The following PMF1 variants were observed in gnomAD, a reference collection of about 807,000 sequenced individuals.
The protein encoded by PMF1 is polyamine modulated factor 1.
In PMF1, 21 loss-of-function variants were observed where a neutral mutation model predicts 26.7. That is an observed-to-expected ratio of 0.79 (90% CI 0.56 to 1.13). PMF1 has a LOEUF of 1.13. Among genes scored for constraint, PMF1 ranks in the 50% most tolerant of loss-of-function variants. PMF1 has a pLI of 0.00. For missense variants in PMF1, 266 were observed against 254.9 expected, an observed-to-expected ratio of 1.04 and a Z score of -0.30; for synonymous variants, 105 against 101.0, an observed-to-expected ratio of 1.04 and a Z score of -0.24.
At chr1:156,225,480 C>G in intron 1 of PMF1, 1 of 794,020 alleles carries the variant, frequency 1.3e-6, no homozygotes, top group Non-Finnish European at 2.1e-6. Flanking sequence ...TTGGCAAAGT[C>G]CATTGTACCA....
At chr1:156,229,076 T>C (rs1658549598) in intron 1 of PMF1, among the ~76,000 whole-genome samples, 1 of 151,914 alleles carries the variant, frequency 6.6e-6, no homozygotes, top group Non-Finnish European at 1.5e-5. Context: ...GCCCAGCTAA[T>C]TTTTTGTATT....
intron 1 of PMF1, among the ~76,000 whole-genome samples, chr1:156,229,865 G>A (rs1234204318): frequency 2.6e-5 from 4 of 152,144 alleles, no homozygotes; most frequent in Non-Finnish European, 5.9e-5. Context: ...GAGCCACTGC[G>A]CCCAGGACCT....
At chr1:156,214,792 T>G (rs1355088946) in intron 1 of PMF1, among the ~76,000 whole-genome samples, 1 of 151,132 alleles carries the variant, frequency 6.6e-6, no homozygotes, top group Non-Finnish European at 1.5e-5. Flanking sequence ...TACCACTAGA[T>G]AGGATGCTTG....
rs553352913 is a variant in PMF1, at chr1:156,216,692, C to T, written c.161+3516C>T. Among the ~76,000 whole-genome samples the T allele has an allele frequency of 7.9e-5, 12 of 151,856 alleles. No homozygotes were observed. The East Asian group carries it at 2.1e-3, about 27-fold the overall frequency. The stretch of plus-strand genomic sequence containing the variant: ...GGCTACCCTGCCCCCGTGCGCTCTC[C>T]GCTGCGGGCGCCCGGGGCGGCCGCG... On this transcript the variant is annotated intron_variant, in intron 1 of 4. Coordinates refer to ENST00000368277, the MANE Select transcript of PMF1 (RefSeq NM_007221.4).
chr1:156,239,883 C>G lies in PMF1; in HGVS notation c.*282C>G. On this transcript the variant is annotated 3_prime_UTR_variant, in exon 5 of 5. Transcript: ENST00000368277. ...TTCTCTAGGTTCAGGTCAGCTCTGC[C>G]CCTCCGCCCCCCTCCTGCTGGTTCC... is the stretch of plus-strand genomic sequence containing the variant. 2.5e-6 allele frequency: 1 copy of G among 394,066 alleles called. No individual in the cohort carries two copies. The highest frequency in any genetic ancestry group is 4.8e-5 in the South Asian group (1 of 20,636). 24.4% of individuals were successfully genotyped at this position (394,066 alleles called of 1,614,324 possible).
chr1:156,214,584 A>G (rs1045804568), intron 1 of PMF1, among the ~76,000 whole-genome samples: 2 of 152,070 alleles, frequency 1.3e-5, no homozygotes, highest in African/African-American at 4.8e-5. Flanking sequence ...GTAAGATAGT[A>G]AGGCCATTAT....
intron 1 of PMF1, chr1:156,220,873 A>T (rs924703191): frequency 2.0e-5 from 3 of 151,918 alleles, no homozygotes; most frequent in African/African-American, 7.3e-5. Flanking sequence ...GCTGATCTCG[A>T]ACTCCTAATG....
At position 156,232,444 on chromosome 1, in the gene PMF1, G is replaced by C; in HGVS notation, c.267+19G>C. ...TATCCGGGTGAGTGGCGGGAAGCCT[G>C]GCAGGTGCTGTTGACTTGGGTTCTG... is the stretch of plus-strand genomic sequence containing the variant. On this transcript the variant is annotated intron_variant, in intron 2 of 4. Transcript: ENST00000368277. 3.7e-6 allele frequency: 6 copies of C among 1,611,904 alleles called. No homozygotes were observed. The highest frequency in any genetic ancestry group is 5.1e-6 in the Non-Finnish European group (6 of 1,178,248).
chr1:156,225,786 A>G (rs1424420383), intron 1 of PMF1: 1 of 461,876 alleles, frequency 2.2e-6, no homozygotes, highest in Non-Finnish European at 4.0e-6. Context: ...AAACCAACAG[A>G]TTGACAAATG....
rs1659235281 is a variant in PMF1 at position 156,239,635 on chromosome 1, A to G, written c.*34A>G. Reference sequence around the variant, plus strand: ...CCAGCCCCAGAAGCAGAGGGCAGTCAAGGTCAAGAGCCTGTGGTCCAGCAT... The same window carrying G: ...CCAGCCCCAGAAGCAGAGGGCAGTCGAGGTCAAGAGCCTGTGGTCCAGCAT... On this transcript the variant is annotated 3_prime_UTR_variant, in exon 5 of 5. Transcript: ENST00000368277. 1.3e-6 allele frequency: 2 copies of G among 1,592,544 alleles called. No homozygotes were observed. Among genetic ancestry groups the G allele is most frequent in the South Asian group, 1.1e-5 (1 of 90,440 alleles).
intron 1 of PMF1, among the ~76,000 whole-genome samples, chr1:156,231,414 A>T (rs1572499071): frequency 6.6e-6 from 1 of 151,802 alleles, no homozygotes; most frequent in Non-Finnish European, 1.5e-5. Context: ...AAAGAAAAGT[A>T]GAAAATCAGG....
chr1:156,235,435 A>ATTT (rs36002644), intron 3 of PMF1, among the ~76,000 whole-genome samples: 17 of 69,096 alleles, frequency 2.5e-4, no homozygotes, highest in South Asian at 4.8e-4. Context: ...TTGAAAAATA[A>ATTT]TTTTTTTTTT....
At chr1:156,224,606 TACAA>T (rs979305848) in intron 1 of PMF1, among the ~76,000 whole-genome samples, 39 of 151,732 alleles carry the variant, frequency 2.6e-4, no homozygotes, top group African/African-American at 7.2e-4. Context: ...CTACTAAAAA[TACAA>T]ACAATTAGCT....
At chr1:156,215,270 G>T (rs1254222584) in intron 1 of PMF1, among the ~76,000 whole-genome samples, 1 of 152,170 alleles carries the variant, frequency 6.6e-6, no homozygotes, top group Non-Finnish European at 1.5e-5. Context: ...CCAGGAACTG[G>T]CAGAGACCTT....
At chr1:156,216,683 T>A (rs1167322163) in intron 1 of PMF1, among the ~76,000 whole-genome samples, 2 of 151,678 alleles carry the variant, frequency 1.3e-5, no homozygotes, top group Non-Finnish European at 2.9e-5. Flanking sequence ...CCTGCCCCCG[T>A]GCGCTCTCCG....
chr1:156,237,635 T>C (rs964604676), intron 4 of PMF1, among the ~76,000 whole-genome samples: 2 of 151,228 alleles, frequency 1.3e-5, no homozygotes, highest in Admixed American at 6.6e-5. Context: ...TTAATAGAGA[T>C]GGGGTTTCAC....
chr1:156,224,563 T>C (rs1481414699), intron 1 of PMF1, among the ~76,000 whole-genome samples: 1 of 151,782 alleles, frequency 6.6e-6, no homozygotes, highest in Non-Finnish European at 1.5e-5. Context: ...GATCATGAGG[T>C]CAGGAGACCG....
chr1:156,239,783 C>A lies in PMF1; in HGVS notation c.*182C>A, dbSNP rs924331621. 2 of 585,178 alleles carry A rather than the reference C, an allele frequency of 3.4e-6. No individual in the cohort carries two copies. The highest frequency in any genetic ancestry group is 3.1e-6 in the Non-Finnish European group (1 of 325,822). 36.2% of individuals were successfully genotyped at this position (585,178 alleles called of 1,614,324 possible). A position where few individuals can be genotyped will look rare whatever the true frequency, so the allele number is the denominator to read the frequency against. ...CACTGCCACTGTGCCTTTGGGGCAC[C>A]CTTGGGGTTGGACATACACCCCCTT... is the stretch of plus-strand genomic sequence containing the variant. On this transcript the variant is annotated 3_prime_UTR_variant, in exon 5 of 5. Transcript: ENST00000368277.
chr1:156,233,816 A>G (rs778001762), intron 3 of PMF1, 88 bp downstream of exon 3: 34 of 1,315,052 alleles, frequency 2.6e-5, no homozygotes, highest in South Asian at 4.1e-5. Flanking sequence ...GGGTCTCACT[A>G]TGTTGGCCAG....
Sources: allele counts gnomAD v4.1 joint callset (sites outside exome capture counted in the v4.1 genomes callset), GRCh38; gene constraint gnomAD v4.1.1; transcripts MANE v1.5; gene names NCBI Gene and HGNC (gene_info 2026-07-23, HGNC 2026-07-21).